The following RPL28 variants were observed in gnomAD, a reference collection of about 807,000 sequenced individuals.
RPL28 encodes large ribosomal subunit protein eL28.
Under a neutral mutation model 12.5 loss-of-function variants are expected in RPL28, and 4 were observed. The ratio of observed to expected loss-of-function variants is 0.32; its 90% CI spans 0.16 to 0.73. The LOEUF is 0.73. Ranked by LOEUF, RPL28 falls within the 30% of genes least tolerant of loss-of-function variation. RPL28 has a pLI of 0.66. For missense variants in RPL28, 214 were observed against 197.7 expected, an observed-to-expected ratio of 1.08 and a Z score of -0.49; for synonymous variants, 91 against 72.5, an observed-to-expected ratio of 1.26 and a Z score of -1.30.
intron 4 of RPL28, 22 bp from the exon 5 acceptor site, chr19:55,388,221 T>C: frequency 6.6e-7 from 1 of 1,519,496 alleles, no homozygotes; most frequent in East Asian, 2.4e-5. Flanking sequence ...GGCTGAGCCT[T>C]GCTCTGCTCC....
chr19:55,401,841 G>A (rs188371978), intron 4 of RPL28: 365 of 1,475,944 alleles, frequency 2.5e-4, no homozygotes, highest in Non-Finnish European at 3.0e-4. Context: ...GGTGGCCTCC[G>A]CACTGGCTGT....
At position 55,388,229 on chromosome 19, in the gene RPL28, T is replaced by TC. The variant is rs755524269; in HGVS notation, c.325-9dup. The TC allele has an allele frequency of 1.4e-5, 21 of 1,516,286 alleles. No homozygotes were observed. Among genetic ancestry groups the TC allele is most frequent in the Non-Finnish European group, 3.5e-6 (4 of 1,133,720 alleles). The allele number at this position is 1,516,286 out of a possible 1,614,324, so 93.9% of individuals were successfully genotyped here. A position where few individuals can be genotyped will look rare whatever the true frequency, so the allele number is the denominator to read the frequency against. On this transcript the variant is annotated splice_polypyrimidine_tract_variant and intron_variant, in intron 4 of 4. Transcript: ENST00000344063. Reference sequence around the variant, plus strand: ...GTGTATGGGCTGAGCCTTGCTCTGCTCCCCCGCCCCCAGGCAGCCATCCGC... The same window carrying TC: ...GTGTATGGGCTGAGCCTTGCTCTGCTCCCCCCGCCCCCAGGCAGCCATCCGC...
intron 1 of RPL28, 130 bp downstream of exon 1, chr19:55,386,095 G>A (rs2089920158): frequency 2.1e-6 from 1 of 486,058 alleles, no homozygotes; most frequent in African/African-American, 1.9e-5. Context: ...CCGTGAAGTC[G>A]TTGTGAATTT....
rs1338963479 is a variant in RPL28, at chr19:55,387,481, G to A, written c.206-449G>A. 32 of 1,464,288 alleles carry A rather than the reference G, an allele frequency of 2.2e-5. 1 individual carries two copies. The South Asian group carries it at 4.3e-4, about 20-fold the overall frequency. The allele number at this position is 1,464,288 out of a possible 1,614,324, so 90.7% of individuals were successfully genotyped here. A position where few individuals can be genotyped will look rare whatever the true frequency, so the allele number is the denominator to read the frequency against. On this transcript the variant is annotated intron_variant, in intron 3 of 4. Transcript: ENST00000344063. Reference sequence around the variant, plus strand: ...GAAAGCTTTCACCTCTTGGATTGCCGAATACATGGGTGGCCCTTCCTAGAC... The same window carrying A: ...GAAAGCTTTCACCTCTTGGATTGCCAAATACATGGGTGGCCCTTCCTAGAC...
At chr19:55,395,489 T>G (rs572205722), downstream of RPL28, among the ~76,000 whole-genome samples, 139 of 146,634 alleles carry the variant, frequency 9.5e-4, no homozygotes, top group African/African-American at 2.7e-3. Context: ...TCTCCCCCAG[T>G]CTGGAGTGCA....
At position 55,388,690 on chromosome 19, in the gene RPL28, G is replaced by T; in HGVS notation, c.*358G>T. The T allele has an allele frequency of 9.4e-7, 1 of 1,066,958 alleles. No individual in the cohort carries two copies. The allele number at this position is 1,066,958 out of a possible 1,614,324, so 66.1% of individuals were successfully genotyped here. On this transcript the variant is annotated 3_prime_UTR_variant, in exon 5 of 5. Transcript: ENST00000344063. ...CCTTTTCTAGCCCAGAAGGGTGCAG[G>T]CTGAGGGCTGGGCCCTGGGCCCTGG...
chr19:55,387,828 A>C, intron 3 of RPL28, 102 bp from the exon 4 acceptor site: 1 of 1,483,108 alleles, frequency 6.7e-7, no homozygotes. Flanking sequence ...CCACGGGCCC[A>C]CGCTGCTCAG....
chr19:55,390,691 C>G lies in RPL28; in HGVS notation c.*2359C>G. 1.0e-6 allele frequency: 1 copy of G among 985,412 alleles called. No homozygotes were observed. The highest frequency in any genetic ancestry group is 1.2e-6 in the Non-Finnish European group (1 of 829,942). 61.0% of individuals were successfully genotyped at this position (985,412 alleles called of 1,614,324 possible). The stretch of plus-strand genomic sequence containing the variant: ...CCAGCTTAGTGGGCCTCTGTTCCTG[C>G]GGGTGGCCAGCCTGTCTGTGTGGCT... On this transcript the variant is annotated 3_prime_UTR_variant, in exon 5 of 5. Transcript: ENST00000344063.
At chr19:55,396,790 C>T (rs192804950), downstream of RPL28, among the ~76,000 whole-genome samples, 1,180 of 150,132 alleles carry the variant, frequency 7.9e-3, 21 homozygotes, top group African/African-American at 0.027. Context: ...CCGTGTTAGC[C>T]AGGATGTTCT....
intron 4 of RPL28, chr19:55,402,894 T>A (rs1433605844): frequency 6.8e-7 from 1 of 1,476,028 alleles, no homozygotes; most frequent in South Asian, 1.3e-5. Flanking sequence ...CTCTCTGCCA[T>A]GTGCCCCAGG....
chr19:55,397,557 T>A (rs1405347123), intron 4 of RPL28, among the ~76,000 whole-genome samples: 1 of 152,032 alleles, frequency 6.6e-6, no homozygotes, highest in African/African-American at 2.4e-5. Flanking sequence ...TTTTTTTGTA[T>A]TTTTAGTAGA....
chr19:55,392,076 T>G lies in RPL28; in HGVS notation c.*3744T>G, dbSNP rs952657504. 1.5e-5 allele frequency: 15 copies of G among 1,009,350 alleles called. No homozygotes were observed. Among genetic ancestry groups the G allele is most frequent in the African/African-American group, 1.0e-4 (6 of 58,378 alleles). The allele number at this position is 1,009,350 out of a possible 1,614,324, so 62.5% of individuals were successfully genotyped here. On this transcript the variant is annotated 3_prime_UTR_variant, in exon 5 of 5. Coordinates refer to ENST00000344063, the MANE Select transcript of RPL28 (RefSeq NM_000991.5). Reference sequence around the variant, plus strand: ...AGCCAGTTACTAGAATAAAATCATCTACTTTAAAATCTTTCATTATGAAAT... The same window carrying G: ...AGCCAGTTACTAGAATAAAATCATCGACTTTAAAATCTTTCATTATGAAAT...
Position 55,386,432 on chromosome 19 carries a change from C to T in RPL28, c.75C>T (p.Tyr25=). The T allele has an allele frequency of 3.7e-6, 6 of 1,614,102 alleles. No homozygotes were observed. Among genetic ancestry groups the T allele is most frequent in the Non-Finnish European group, 5.1e-6 (6 of 1,179,948 alleles). Residue 25 remains tyrosine, a synonymous_variant, in exon 2 of 5, where the codon TAC becomes TAT. Transcript: ENST00000344063. ...SFLIKRNKQT[Y]STEPNNLKAR... ...TGATCAAGAGGAATAAGCAGACCTA[C>T]AGCACTGTAAGTGGGGCCCGGATGC...
At chr19:55,396,788 G>A (rs1421865757), downstream of RPL28, among the ~76,000 whole-genome samples, 2 of 150,146 alleles carry the variant, frequency 1.3e-5, no homozygotes, top group Non-Finnish European at 3.0e-5. Context: ...CACCGTGTTA[G>A]CCAGGATGTT....
At chr19:55,397,802 T>TGGGAGGC (rs2090033747) in intron 4 of RPL28, among the ~76,000 whole-genome samples, 1 of 123,110 alleles carries the variant, frequency 8.1e-6, no homozygotes, top group African/African-American at 3.1e-5. Flanking sequence ...AGGTGGGAGG[T>TGGGAGGC]GGGAGGATCA....
At position 55,389,312 on chromosome 19, in the gene RPL28, A is replaced by C; in HGVS notation, c.*980A>C. ...AGTATGAGGCTGCAGTGAGCCCATG[A>C]GCCCCACCACTACACTCCAGCCTGG... On this transcript the variant is annotated 3_prime_UTR_variant, in exon 5 of 5. Coordinates refer to ENST00000344063, the MANE Select transcript of RPL28 (RefSeq NM_000991.5). 1 of 971,028 alleles carries C rather than the reference A, an allele frequency of 1.0e-6. No individual in the cohort carries two copies. The highest frequency in any genetic ancestry group is 1.2e-6 in the Non-Finnish European group (1 of 817,266). 60.2% of individuals were successfully genotyped at this position (971,028 alleles called of 1,614,324 possible). A position where few individuals can be genotyped will look rare whatever the true frequency, so the allele number is the denominator to read the frequency against.
At position 55,391,273 on chromosome 19, in the gene RPL28, AGTTATGCC is replaced by A; in HGVS notation, c.*2942_*2949del. The A allele has an allele frequency of 2.4e-6, 1 of 409,466 alleles. No homozygotes were observed. Among genetic ancestry groups the A allele is most frequent in the Non-Finnish European group, 3.8e-6 (1 of 264,630 alleles). The allele number at this position is 409,466 out of a possible 1,614,324, so 25.4% of individuals were successfully genotyped here. A position where few individuals can be genotyped will look rare whatever the true frequency, so the allele number is the denominator to read the frequency against. On this transcript the variant is annotated 3_prime_UTR_variant, in exon 5 of 5. Transcript: ENST00000344063. ...CCTGGGTTCCAGTCCCAGCTCTGCC[AGTTATGCC>A]CAGCTGTGGGGACTTGGGCAGCTCG...
downstream of RPL28, among the ~76,000 whole-genome samples, chr19:55,393,525 A>G (rs142809798): frequency 5.5e-3 from 839 of 151,614 alleles, 10 homozygotes; most frequent in Middle Eastern, 0.034. Flanking sequence ...CACAACCCCT[A>G]TCTTATTCCA....
intron 4 of RPL28, chr19:55,400,986 C>T (rs2090052921): frequency 6.0e-6 from 1 of 165,826 alleles, no homozygotes. Flanking sequence ...ACCAACGTGG[C>T]CATTATTCTA....
Sources: gnomAD v4.1 joint callset for allele counts (sites outside exome capture counted in the v4.1 genomes callset) on GRCh38, gnomAD v4.1.1 for gene constraint, MANE v1.5 for transcripts, NCBI Gene and HGNC (gene_info 2026-07-23, HGNC 2026-07-21) for gene names.